The following ANKDD1B variants were observed in gnomAD, a reference collection of about 807,000 sequenced individuals.
ANKDD1B encodes ankyrin repeat and death domain containing 1B.
Under a neutral mutation model 59.7 loss-of-function variants are expected in ANKDD1B, and 57 were observed. The observed-to-expected ratio is 0.95, with a 90% confidence interval of 0.77 to 1.19. The LOEUF (loss-of-function observed/expected upper bound fraction) is 1.19. Among genes scored for constraint, ANKDD1B ranks in the 50% most tolerant of loss-of-function variants. The pLI, the probability that ANKDD1B is intolerant of heterozygous loss-of-function variation, is 0.00. For synonymous variants in ANKDD1B, 216 were observed against 239.5 expected, an observed-to-expected ratio of 0.90 and a Z score of 0.91; for missense variants, 602 against 641.9, an observed-to-expected ratio of 0.94 and a Z score of 0.67.
At chr5:75,667,940 TG>T (rs1561453454) in intron 12 of ANKDD1B, among the ~76,000 whole-genome samples, 2 of 152,190 alleles carry the variant, frequency 1.3e-5, no homozygotes, top group Non-Finnish European at 2.9e-5. Flanking sequence ...TACATTTTCA[TG>T]TGAAAAATAG....
rs772490783 is a variant in ANKDD1B, at chr5:75,620,310, C to T, written c.298-5C>T. The T allele has an allele frequency of 6.8e-7, 1 of 1,478,172 alleles. No individual in the cohort carries two copies. The highest frequency in any genetic ancestry group is 1.3e-5 in the South Asian group (1 of 79,868). The allele number at this position is 1,478,172 out of a possible 1,614,324, so 91.6% of individuals were successfully genotyped here. On this transcript the variant is annotated splice_polypyrimidine_tract_variant and splice_region_variant and intron_variant, in intron 2 of 13. Coordinates refer to ENST00000601380, the MANE Select transcript of ANKDD1B (RefSeq NM_001276713.2). ...TGACTAAAAACATAAATTATGCTTC[C>T]TCAGATGAACCGCACAGCCCTGCAT...
At chr5:75,637,789 TCTTTCTTTTTCTTA>T (rs978687980) in intron 7 of ANKDD1B, among the ~76,000 whole-genome samples, 3 of 152,182 alleles carry the variant, frequency 2.0e-5, no homozygotes, top group Admixed American at 6.5e-5. Context: ...ACAATTTCTT[TCTTTCTTTTTCTTA>T]CTTTCTTTTT....
chr5:75,639,598 A>G (rs1774410304), intron 7 of ANKDD1B, among the ~76,000 whole-genome samples: 1 of 152,114 alleles, frequency 6.6e-6, no homozygotes, highest in African/African-American at 2.4e-5. Context: ...TGGTTTCTAC[A>G]CTCTTGTGTT....
At chr5:75,647,202 A>G (rs2111976781) in intron 7 of ANKDD1B, among the ~76,000 whole-genome samples, 1 of 112,900 alleles carries the variant, frequency 8.9e-6, no homozygotes, top group East Asian at 2.2e-4. Context: ...CAAGGACTTC[A>G]TGTCCAAAAC....
At chr5:75,633,489 C>T (rs969546560) in intron 5 of ANKDD1B, among the ~76,000 whole-genome samples, 4 of 152,050 alleles carry the variant, frequency 2.6e-5, no homozygotes, top group African/African-American at 7.3e-5. Flanking sequence ...TAACAGTGGC[C>T]GTGATCTTTT....
intron 7 of ANKDD1B, among the ~76,000 whole-genome samples, chr5:75,641,692 T>G (rs1774467798): frequency 6.6e-6 from 1 of 152,218 alleles, no homozygotes; most frequent in African/African-American, 2.4e-5. Flanking sequence ...AGTACAAATT[T>G]AAACACGCAA....
intron 3 of ANKDD1B, 137 bp from the exon 4 acceptor site, chr5:75,625,510 T>C (rs1773967182): frequency 3.0e-6 from 2 of 670,840 alleles, no homozygotes; most frequent in African/African-American, 1.8e-5. Context: ...GACCGAAATA[T>C]CACTTTTGCT....
chr5:75,667,888 A>G (rs973659143), intron 12 of ANKDD1B, among the ~76,000 whole-genome samples: 1 of 152,242 alleles, frequency 6.6e-6, no homozygotes, highest in Admixed American at 6.5e-5. Context: ...TTTATACCAC[A>G]TACAAGTAAA....
chr5:75,612,880 A>T (rs1346411642), intron 1 of ANKDD1B, among the ~76,000 whole-genome samples: 1 of 152,200 alleles, frequency 6.6e-6, no homozygotes, highest in Non-Finnish European at 1.5e-5. Context: ...AATCATGCCT[A>T]CATCAACAGA....
intron 7 of ANKDD1B, among the ~76,000 whole-genome samples, chr5:75,647,416 A>T (rs1407498818): frequency 1.6e-5 from 2 of 127,884 alleles, no homozygotes; most frequent in Non-Finnish European, 3.1e-5. Flanking sequence ...AAAAAAACAA[A>T]CAACCCCATC....
At chr5:75,644,962 C>T (rs1266118748) in intron 7 of ANKDD1B, among the ~76,000 whole-genome samples, 2 of 129,602 alleles carry the variant, frequency 1.5e-5, no homozygotes, top group Non-Finnish European at 3.0e-5. Context: ...AGCCGCTCAA[C>T]TACATGGAAA....
chr5:75,639,977 T>C (rs1774419934), intron 7 of ANKDD1B, among the ~76,000 whole-genome samples: 1 of 152,242 alleles, frequency 6.6e-6, no homozygotes, highest in African/African-American at 2.4e-5. Context: ...TTATACTTGG[T>C]ACAAACGTAC....
intron 1 of ANKDD1B, among the ~76,000 whole-genome samples, chr5:75,614,411 CTCTG>C (rs949298642): frequency 5.3e-5 from 8 of 152,290 alleles, no homozygotes; most frequent in Admixed American, 5.2e-4. Flanking sequence ...AAGATATTAT[CTCTG>C]TCTGTCAAGG....
chr5:75,655,420 G>T (rs190430518), intron 8 of ANKDD1B, among the ~76,000 whole-genome samples: 1 of 152,186 alleles, frequency 6.6e-6, no homozygotes, highest in African/African-American at 2.4e-5. Context: ...AGGAGTCGGG[G>T]CTCCAGAGCA....
At chr5:75,624,765 T>A (rs1234983044) in intron 3 of ANKDD1B, among the ~76,000 whole-genome samples, 2 of 152,180 alleles carry the variant, frequency 1.3e-5, no homozygotes, top group African/African-American at 4.8e-5. Flanking sequence ...TCAATCGACC[T>A]ACCTACCCAC....
At chr5:75,661,440 C>G (rs1225748522) in intron 10 of ANKDD1B, among the ~76,000 whole-genome samples, 1 of 139,422 alleles carries the variant, frequency 7.2e-6, no homozygotes, top group Non-Finnish European at 1.5e-5. Context: ...CACAGGCCCA[C>G]TGTGGACGAT....
At chr5:75,649,001 C>G (rs917684693) in intron 7 of ANKDD1B, among the ~76,000 whole-genome samples, 1 of 152,114 alleles carries the variant, frequency 6.6e-6, no homozygotes, top group Non-Finnish European at 1.5e-5. Context: ...GTAGTTGACA[C>G]CTGGCTTCCT....
chr5:75,634,740 C>A (rs1007824291), intron 5 of ANKDD1B, 158 bp from the exon 6 acceptor site: 1 of 556,644 alleles, frequency 1.8e-6, no homozygotes, highest in Admixed American at 3.1e-5. Context: ...AAACCCAGAA[C>A]CTGATCTGAT....
intron 7 of ANKDD1B, among the ~76,000 whole-genome samples, chr5:75,638,410 T>C (rs909285022): frequency 2.0e-5 from 3 of 152,208 alleles, no homozygotes; most frequent in Non-Finnish European, 2.9e-5. Context: ...CTCTGTTTCC[T>C]GATACAAGCT....
Sources: allele counts gnomAD v4.1 joint callset (sites outside exome capture counted in the v4.1 genomes callset), GRCh38; gene constraint gnomAD v4.1.1; transcripts MANE v1.5; gene names NCBI Gene and HGNC (gene_info 2026-07-23, HGNC 2026-07-21).